APPL2: variants seen among roughly 807,000 people sequenced by gnomAD.
The protein encoded by APPL2 is adaptor protein, phosphotyrosine interacting with PH domain and leucine zipper 2, also known as DCC-interacting protein 13-beta.
A neutral mutation model predicts 92.7 loss-of-function variants in APPL2; 84 were observed. The observed-to-expected ratio is 0.91, with a 90% CI of 0.76 to 1.09. The LOEUF (loss-of-function observed/expected upper bound fraction) is 1.09, where lower values mean the gene tolerates loss of function less well. APPL2 is among the 50% of genes least tolerant of loss of function. The pLI is 0.00. For missense variants in APPL2, 736 were observed against 824.5 expected, an observed-to-expected ratio of 0.89 and a Z score of 1.31; for synonymous variants, 291 against 291.0, an observed-to-expected ratio of 1.00 and a Z score of 0.00.
At chr12:105,198,030 T>C in intron 10 of APPL2, 77 bp from the exon 11 acceptor site, 6 of 1,372,306 alleles carry the variant, frequency 4.4e-6, no homozygotes, top group African/African-American at 1.5e-5. Flanking sequence ...TACCTCGTTA[T>C]GGGTACTGGT....
chr12:105,206,443 A>T (rs1888709165), intron 8 of APPL2, among the ~76,000 whole-genome samples: 1 of 152,138 alleles, frequency 6.6e-6, no homozygotes, highest in Non-Finnish European at 1.5e-5. Flanking sequence ...CATCAGCCTC[A>T]CACTCACGGT....
chr12:105,186,667 T>TC lies in APPL2; in HGVS notation c.1634+1605_1634+1606insG, dbSNP rs1886706749. On this transcript the variant is annotated intron_variant, in intron 17 of 20. Coordinates refer to ENST00000258530, the MANE Select transcript of APPL2 (RefSeq NM_018171.5). ...TATGATATCGATATCATATATATCA[T>TC]ATATATGATATATCATATATATATC... is the stretch of plus-strand genomic sequence containing the variant. Among the ~76,000 whole-genome samples the TC allele has an allele frequency of 9.1e-5, 3 of 33,148 alleles. No individual in the cohort carries two copies. The South Asian group carries it at 3.8e-3, about 42-fold the overall frequency. 21.7% of individuals were successfully genotyped at this position (33,148 alleles called of 152,430 possible). A position where few individuals can be genotyped will look rare whatever the true frequency, so the allele number is the denominator to read the frequency against.
chr12:105,195,364 G>C lies in APPL2; in HGVS notation c.1153-15C>G. On this transcript the variant is annotated splice_polypyrimidine_tract_variant and intron_variant, in intron 13 of 20. Coordinates refer to ENST00000258530, the MANE Select transcript of APPL2 (RefSeq NM_018171.5). ...ATCGCGACTGCCTAAAAATCCACAG[G>C]AAGACACACTCAGTCCCAGGAGGTG... 1 of 1,614,140 alleles carries C rather than the reference G, an allele frequency of 6.2e-7. No homozygotes were observed. The highest frequency in any genetic ancestry group is 1.1e-5 in the South Asian group (1 of 91,076).
chr12:105,202,876 G>C (rs1409908575), intron 9 of APPL2, among the ~76,000 whole-genome samples: 1 of 152,214 alleles, frequency 6.6e-6, no homozygotes, highest in Non-Finnish European at 1.5e-5. Context: ...CTTCTACCTA[G>C]ATCAATTCCC....
intron 11 of APPL2, among the ~76,000 whole-genome samples, chr12:105,196,036 TAGG>T (rs1887610647): frequency 7.1e-6 from 1 of 141,146 alleles, no homozygotes; most frequent in Non-Finnish European, 1.5e-5. Flanking sequence ...GCCTGGGTGA[TAGG>T]GCAAGGCCCT....
rs1164801448 is a variant in APPL2 at position 105,203,196 on chromosome 12, C to T, written c.704+507G>A. ...CTCTGTCATGGAAGCTGGGGAGGGGCGGGTGGCAGGGCGCCCACAGCCTCC... is the reference window on the plus strand; with the variant it reads ...CTCTGTCATGGAAGCTGGGGAGGGGTGGGTGGCAGGGCGCCCACAGCCTCC... On this transcript the variant is annotated intron_variant, in intron 9 of 20. Coordinates refer to ENST00000258530, the MANE Select transcript of APPL2 (RefSeq NM_018171.5). Among the ~76,000 whole-genome samples, 4 of 152,276 alleles carry T rather than the reference C, an allele frequency of 2.6e-5. No homozygotes were observed. The South Asian group carries it at 6.2e-4, about 24-fold the overall frequency.
At chr12:105,223,458 A>G (rs1890266740) in intron 2 of APPL2, among the ~76,000 whole-genome samples, 1 of 152,156 alleles carries the variant, frequency 6.6e-6, no homozygotes, top group Non-Finnish European at 1.5e-5. Context: ...CAAGGGGCAG[A>G]GCCCAGGAGG....
At chr12:105,184,363 C>T (rs958669361) in intron 17 of APPL2, among the ~76,000 whole-genome samples, 2 of 152,200 alleles carry the variant, frequency 1.3e-5, no homozygotes, top group Admixed American at 6.5e-5. Flanking sequence ...AATTTTCAGC[C>T]TTTCTGTGCT....
intron 1 of APPL2, among the ~76,000 whole-genome samples, chr12:105,231,695 C>T (rs983946791): frequency 1.2e-4 from 18 of 152,180 alleles, no homozygotes; most frequent in African/African-American, 4.1e-4. Flanking sequence ...ACCATGTTCC[C>T]GCCCACAATA....
intron 8 of APPL2, 129 bp from the exon 9 acceptor site, chr12:105,203,914 A>G: frequency 1.4e-6 from 1 of 729,372 alleles, no homozygotes; most frequent in South Asian, 1.6e-5. Flanking sequence ...CGGCACTGGC[A>G]GCATCTCTAC....
intron 5 of APPL2, among the ~76,000 whole-genome samples, chr12:105,210,944 C>T (rs111269712): frequency 3.3e-5 from 5 of 152,268 alleles, no homozygotes; most frequent in Admixed American, 6.5e-5. Context: ...GTCCCTAGCA[C>T]GCCTTTCTGT....
chr12:105,213,074 C>T (rs1030939146), intron 4 of APPL2, among the ~76,000 whole-genome samples: 3 of 152,200 alleles, frequency 2.0e-5, no homozygotes, highest in South Asian at 4.1e-4. Flanking sequence ...CTGTGCTTGA[C>T]GCTTTGAGAG....
intron 17 of APPL2, among the ~76,000 whole-genome samples, chr12:105,179,131 C>T (rs1482274520): frequency 1.3e-5 from 2 of 152,170 alleles, no homozygotes; most frequent in East Asian, 3.9e-4. Flanking sequence ...TGCTATCCCT[C>T]CCCTTGACAC....
Position 105,195,291 on chromosome 12 carries a change from A to C in APPL2, c.1211T>G (p.Phe404Cys). 6.2e-7 allele frequency: 1 copy of C among 1,614,078 alleles called. No individual in the cohort carries two copies. Among genetic ancestry groups the C allele is most frequent in the Non-Finnish European group, 8.5e-7 (1 of 1,180,014 alleles). ...ALQAVTPITSFGKKQESSCPS... is the reference protein window; with the variant it reads ...ALQAVTPITSCGKKQESSCPS... The stretch of plus-strand genomic sequence containing the variant: ...GCATGAGCTTTCTTGTTTTTTTCCA[A>C]AACTTGTAATGGGAGTCACTGCTTG... The change falls in exon 14 of 21, where the codon TTT becomes TGT. Residue 404 changes from phenylalanine to cysteine, a missense_variant. Coordinates refer to ENST00000258530, the MANE Select transcript of APPL2 (RefSeq NM_018171.5).
At chr12:105,199,149 A>G (rs1196745) in intron 10 of APPL2, among the ~76,000 whole-genome samples, 133,602 of 152,144 alleles carry the variant, frequency 0.88, 58,947 homozygotes, top group East Asian at 1. Context: ...CCACAGCACC[A>G]GGCTCTTAGA....
chr12:105,205,033 G>T (rs1046650720), intron 8 of APPL2, among the ~76,000 whole-genome samples: 1 of 152,216 alleles, frequency 6.6e-6, no homozygotes, highest in Non-Finnish European at 1.5e-5. Flanking sequence ...ACAAAGGTGG[G>T]TGGTGCCGAG....
chr12:105,197,708 G>T, intron 11 of APPL2, 57 bp downstream of exon 11: 1 of 1,599,888 alleles, frequency 6.3e-7, no homozygotes, highest in Admixed American at 1.7e-5. Context: ...GGAGGCCCTT[G>T]GAACGGGTGG....
At chr12:105,227,345 T>C (rs1211274680) in intron 2 of APPL2, among the ~76,000 whole-genome samples, 4 of 152,186 alleles carry the variant, frequency 2.6e-5, no homozygotes, top group Non-Finnish European at 5.9e-5. Flanking sequence ...TGCCTATCTA[T>C]ATCTCCAGCC....
At chr12:105,217,291 C>T in intron 3 of APPL2, 151 bp from the exon 4 acceptor site, 1 of 600,420 alleles carries the variant, frequency 1.7e-6, no homozygotes, top group Non-Finnish European at 2.9e-6. Context: ...GAGGGAGTCA[C>T]AGCTATCCCC....
Sources: allele counts gnomAD v4.1 joint callset (sites outside exome capture counted in the v4.1 genomes callset), GRCh38; gene constraint gnomAD v4.1.1; transcripts MANE v1.5; gene names NCBI Gene and HGNC (gene_info 2026-07-23, HGNC 2026-07-21).